Variants in DNASE1 observed in about 807,000 individuals in gnomAD.
DNASE1 encodes deoxyribonuclease-1.
Under a neutral mutation model 33.9 loss-of-function variants are expected in DNASE1, and 40 were observed. That is an observed-to-expected ratio of 1.18 (90% CI 0.92 to 1.54). DNASE1 has a LOEUF of 1.54. Among genes scored for constraint, DNASE1 ranks in the 40% most tolerant of loss-of-function variants. The probability of loss-of-function intolerance (pLI) is 0.00; values close to 1 mark genes in which losing one functional copy is unlikely to be tolerated. For missense variants in DNASE1, 518 were observed against 372.6 expected, an observed-to-expected ratio of 1.39 and a Z score of -3.21; for synonymous variants, 216 against 160.0, an observed-to-expected ratio of 1.35 and a Z score of -2.64.
At chr16:3,622,596 GTT>G (rs1047356075) in intron 1 of DNASE1, among the ~76,000 whole-genome samples, 1 of 152,090 alleles carries the variant, frequency 6.6e-6, no homozygotes, top group African/African-American at 2.4e-5. Flanking sequence ...GTTTTTACCA[GTT>G]TTTATCATTT....
exon 10 of DNASE1, chr16:3,664,369 C>A (rs777291656): frequency 6.2e-7 from 1 of 1,612,936 alleles, no homozygotes; most frequent in Admixed American, 1.7e-5. Flanking sequence ...CGGGTGCCGG[C>A]CCGCATGCGG....
At chr16:3,646,378 C>G (rs138794354) in intron 1 of DNASE1, among the ~76,000 whole-genome samples, 1 of 152,072 alleles carries the variant, frequency 6.6e-6, no homozygotes, top group Non-Finnish European at 1.5e-5. Flanking sequence ...GCTTGTGTTC[C>G]TGGAAGCCAG....
intron 1 of DNASE1, among the ~76,000 whole-genome samples, chr16:3,647,145 G>C (rs543490920): frequency 6.6e-6 from 1 of 151,878 alleles, no homozygotes; most frequent in East Asian, 1.9e-4. Context: ...AATTTTTTGT[G>C]TGTGGTTTCA....
upstream of DNASE1, among the ~76,000 whole-genome samples, chr16:3,649,814 G>A (rs2042279909): frequency 1.3e-5 from 2 of 152,010 alleles, no homozygotes. Context: ...ATCTCTCAGG[G>A]CGAGGAGCTT....
At position 3,656,167 on chromosome 16, in the gene DNASE1, G is replaced by GCTAC; in HGVS notation, c.305_308dup (p.Phe104ProfsTer7). ...CTGGGACGGAACAGCTATAAGGAGC[G>GCTAC]CTACCTGTTCGTGTACAGGTGGGTG... On this transcript the variant is annotated frameshift_variant, in exon 4 of 9. Coordinates refer to ENST00000246949, the MANE Select transcript of DNASE1 (RefSeq NM_005223.4). LOFTEE classifies it high-confidence loss of function. 6.2e-7 allele frequency: 1 copy of GCTAC among 1,614,070 alleles called. No homozygotes were observed.
chr16:3,646,523 C>T (rs943956096), intron 1 of DNASE1, among the ~76,000 whole-genome samples: 10 of 151,880 alleles, frequency 6.6e-5, no homozygotes, highest in African/African-American at 2.4e-4. Flanking sequence ...AGAGGATGTC[C>T]TCTGAAAAGG....
upstream of DNASE1, among the ~76,000 whole-genome samples, chr16:3,638,125 GTGTGTGTGTGTGTGTT>G (rs1306044850): frequency 9.6e-4 from 146 of 151,798 alleles, no homozygotes; most frequent in African/African-American, 3.4e-3. Context: ...GTGTGTGTGT[GTGTGTGTGTGTGTGTT>G]TTTCCCAGTA....
At chr16:3,617,181 C>A (rs1202142656) in intron 1 of DNASE1, among the ~76,000 whole-genome samples, 1 of 151,674 alleles carries the variant, frequency 6.6e-6, no homozygotes, top group Non-Finnish European at 1.5e-5. Flanking sequence ...ACAAAATTAG[C>A]AGGGCGTGGT....
intron 7 of DNASE1, 39 bp downstream of exon 7, chr16:3,657,380 C>T (rs944603573): frequency 4.4e-6 from 7 of 1,606,168 alleles, no homozygotes; most frequent in Non-Finnish European, 5.9e-6. Context: ...CTGAGGGCAC[C>T]TCCAAGGGCA....
Position 3,655,543 on chromosome 16 carries a change from C to A in DNASE1, c.147+23C>A, listed in dbSNP as rs199822100. Reference sequence around the variant, plus strand: ...CAGGTGAGGCCAGGGCAGCCTCCCCCCAAAAGCAGAGGAGCTCTGGAGTCT... The same window carrying A: ...CAGGTGAGGCCAGGGCAGCCTCCCCACAAAAGCAGAGGAGCTCTGGAGTCT... On this transcript the variant is annotated intron_variant, in intron 2 of 8. Coordinates refer to ENST00000246949, the MANE Select transcript of DNASE1 (RefSeq NM_005223.4). 8.6e-5 allele frequency: 139 copies of A among 1,613,828 alleles called. 3 individuals are homozygous for A. In the South Asian group the frequency reaches 1.4e-3, roughly 16 times the overall value.
upstream of DNASE1, chr16:3,653,896 G>C (rs2151211423): frequency 6.9e-6 from 1 of 145,054 alleles, no homozygotes; most frequent in African/African-American, 2.6e-5. Flanking sequence ...ATTGCCTGAA[G>C]CCAGGAGTTC....
chr16:3,634,317 C>T (rs2041802301), intron 1 of DNASE1, among the ~76,000 whole-genome samples: 1 of 151,472 alleles, frequency 6.6e-6, no homozygotes, highest in Non-Finnish European at 1.5e-5. Context: ...GAAGCTCCAC[C>T]TCCCAGGTTT....
intron 1 of DNASE1, among the ~76,000 whole-genome samples, chr16:3,629,227 G>C (rs2151174561): frequency 6.6e-6 from 1 of 151,312 alleles, no homozygotes; most frequent in South Asian, 2.1e-4. Context: ...TAACAATGTA[G>C]GTTTTTCAAA....
intron 1 of DNASE1, among the ~76,000 whole-genome samples, chr16:3,627,023 C>T (rs1452442592): frequency 6.6e-6 from 1 of 151,874 alleles, no homozygotes; most frequent in African/African-American, 2.4e-5. Flanking sequence ...AGGCACATGC[C>T]ACCATGCTTA....
At chr16:3,661,917 A>G, downstream of DNASE1, 2 of 1,501,444 alleles carry the variant, frequency 1.3e-6, no homozygotes, top group Non-Finnish European at 8.9e-7. Flanking sequence ...CACATTCCAC[A>G]ACAAAAGAAC....
At chr16:3,660,822 G>T (rs965629790), downstream of DNASE1, 4 of 152,202 alleles carry the variant, frequency 2.6e-5, no homozygotes, top group Admixed American at 1.3e-4. Context: ...ACTTCGGGAG[G>T]CTAAGGCAGG....
chr16:3,663,778 A>G (rs2050751337), exon 10 of DNASE1: 2 of 586,964 alleles, frequency 3.4e-6, no homozygotes, highest in East Asian at 2.9e-5. Context: ...CCACGCATAA[A>G]GAAATCCACA....
upstream of DNASE1, chr16:3,651,349 CG>C (rs1001668659): frequency 6.6e-5 from 10 of 152,224 alleles, no homozygotes; most frequent in African/African-American, 2.2e-4. Flanking sequence ...TGCAGATCCT[CG>C]GGGTTGGTGT....
upstream of DNASE1, chr16:3,650,614 A>G (rs975077211): frequency 7.0e-5 from 9 of 128,400 alleles, no homozygotes; most frequent in Non-Finnish European, 1.0e-4. Context: ...AAAAAAAAAA[A>G]AAAAAAGAAA....
Sources: gnomAD v4.1 joint callset for allele counts (sites outside exome capture counted in the v4.1 genomes callset) on GRCh38, gnomAD v4.1.1 for gene constraint, MANE v1.5 for transcripts, NCBI Gene and HGNC (gene_info 2026-07-23, HGNC 2026-07-21) for gene names.